ULK4: variants seen among roughly 807,000 people sequenced by gnomAD.
ULK4 encodes inactive serine/threonine-protein kinase ULK4.
ULK4 carries 133 observed loss-of-function variants against 160.6 expected under a neutral mutation model. The observed-to-expected ratio is 0.83, with a 90% CI of 0.72 to 0.96. The LOEUF (loss-of-function observed/expected upper bound fraction) is 0.96. ULK4 is among the 40% of genes least tolerant of loss of function. ULK4 has a pLI of 0.00. For missense variants in ULK4, 1,580 were observed against 1,499.5 expected (o/e 1.05, Z -0.89); for synonymous variants, 534 against 539.8 (o/e 0.99, Z 0.15).
At chr3:41,947,158 T>G (rs953981711) in intron 2 of ULK4, among the ~76,000 whole-genome samples, 1 of 152,038 alleles carries the variant, frequency 6.6e-6, no homozygotes, top group African/African-American at 2.4e-5. Flanking sequence ...AAACCCCGTC[T>G]CTACTAAAAA....
intron 34 of ULK4, among the ~76,000 whole-genome samples, chr3:41,427,013 T>C (rs942210983): frequency 2.6e-5 from 4 of 151,788 alleles, no homozygotes; most frequent in Admixed American, 2.0e-4. Flanking sequence ...GATATACCAA[T>C]AGCTAGACAA....
intron 21 of ULK4, among the ~76,000 whole-genome samples, chr3:41,757,789 G>C (rs188208753): frequency 6.6e-6 from 1 of 151,628 alleles, no homozygotes; most frequent in Non-Finnish European, 1.5e-5. Flanking sequence ...GCGTGCCACC[G>C]GCTAATTTTT....
At chr3:41,707,129 A>G (rs1279903971) in intron 25 of ULK4, among the ~76,000 whole-genome samples, 1 of 152,110 alleles carries the variant, frequency 6.6e-6, no homozygotes, top group Non-Finnish European at 1.5e-5. Context: ...ACACATATAC[A>G]TGTGTCCCTA....
rs537466281 is a variant in ULK4, at chr3:41,925,822, T to C, written c.542-6004A>G. ...ACTGGGTGGAGCCCACTGCAGCATC[T>C]CTGAAAAAAAAAGGCAGCAGCCCCA... On this transcript the variant is annotated intron_variant, in intron 5 of 36. Coordinates refer to ENST00000301831, the MANE Select transcript of ULK4 (RefSeq NM_017886.4). Among the ~76,000 whole-genome samples the C allele has an allele frequency of 9.8e-4, 149 of 151,326 alleles. 1 individual carries two copies. The highest frequency in any genetic ancestry group is 3.4e-3 in the African/African-American group (142 of 41,250).
chr3:41,341,547 GAA>G (rs2125751103), intron 35 of ULK4, among the ~76,000 whole-genome samples: 1 of 152,294 alleles, frequency 6.6e-6, no homozygotes, highest in African/African-American at 2.4e-5. Flanking sequence ...CACTGGCCTT[GAA>G]TAATGGAGCA....
intron 17 of ULK4, among the ~76,000 whole-genome samples, chr3:41,854,497 G>C (rs2042289588): frequency 6.6e-6 from 1 of 152,180 alleles, no homozygotes; most frequent in South Asian, 2.1e-4. Context: ...TGAGTCAAAG[G>C]GCAATGTGGT....
chr3:41,476,242 G>A (rs963596529), intron 32 of ULK4, among the ~76,000 whole-genome samples: 6 of 152,162 alleles, frequency 3.9e-5, no homozygotes, highest in Non-Finnish European at 7.3e-5. Flanking sequence ...TGTTGGTGAA[G>A]CTCTGTAAAC....
intron 32 of ULK4, among the ~76,000 whole-genome samples, chr3:41,506,668 T>C (rs1052468304): frequency 1.3e-5 from 2 of 150,626 alleles, no homozygotes; most frequent in Non-Finnish European, 3.0e-5. Context: ...CCATCAGTCC[T>C]TCACTAATGA....
At chr3:41,692,092 C>T (rs1338967129) in intron 27 of ULK4, among the ~76,000 whole-genome samples, 2 of 151,148 alleles carry the variant, frequency 1.3e-5, no homozygotes, top group Non-Finnish European at 3.0e-5. Flanking sequence ...GCTGGGACTA[C>T]AGGCGCCCAC....
rs149662388 is a variant in ULK4, at chr3:41,623,750, G to C, written c.3072-8033C>G. Among the ~76,000 whole-genome samples the C allele has an allele frequency of 3.9e-3, 594 of 152,290 alleles. 7 individuals carry two copies. Among genetic ancestry groups the C allele is most frequent in the Admixed American group, 0.033 (499 of 15,290 alleles). On this transcript the variant is annotated intron_variant, in intron 30 of 36. Transcript: ENST00000301831. ...TATAAATCAAAGGGTATAAAGTTAAGTTAGACAGGAGAAATAAGTTAGTTA... is the reference window on the plus strand; with the variant it reads ...TATAAATCAAAGGGTATAAAGTTAACTTAGACAGGAGAAATAAGTTAGTTA...
At chr3:41,368,000 G>A (rs911830201) in intron 35 of ULK4, among the ~76,000 whole-genome samples, 4 of 151,612 alleles carry the variant, frequency 2.6e-5, no homozygotes, top group African/African-American at 4.8e-5. Context: ...CTTTTTGCTC[G>A]TGTATATTCC....
At chr3:41,718,565 C>T (rs186901986) in intron 22 of ULK4, among the ~76,000 whole-genome samples, 11 of 152,096 alleles carry the variant, frequency 7.2e-5, no homozygotes, top group Non-Finnish European at 1.2e-4. Flanking sequence ...GCTGGACCTA[C>T]TAGTCATTTT....
intron 21 of ULK4, among the ~76,000 whole-genome samples, chr3:41,771,072 C>A (rs1393423293): frequency 6.6e-6 from 1 of 152,148 alleles, no homozygotes; most frequent in South Asian, 2.1e-4. Flanking sequence ...ATTTGAAACA[C>A]TGAATACTCC....
chr3:41,741,465 A>G (rs896662964), intron 22 of ULK4, among the ~76,000 whole-genome samples: 4 of 151,950 alleles, frequency 2.6e-5, no homozygotes, highest in Non-Finnish European at 5.9e-5. Context: ...TATTTATTGA[A>G]GCATTTCAAT....
chr3:41,669,052 A>G (rs1399386907), intron 29 of ULK4, among the ~76,000 whole-genome samples: 2 of 152,208 alleles, frequency 1.3e-5, no homozygotes, highest in African/African-American at 4.8e-5. Context: ...CAAAATTCAC[A>G]GAGAAGGAAA....
chr3:41,325,132 C>T (rs539035530), intron 35 of ULK4, among the ~76,000 whole-genome samples: 9 of 152,258 alleles, frequency 5.9e-5, no homozygotes, highest in African/African-American at 2.2e-4. Flanking sequence ...ATATGTTTTT[C>T]ATTAAAGTAC....
chr3:41,690,312 G>C (rs1225255626), intron 27 of ULK4, among the ~76,000 whole-genome samples: 11 of 151,236 alleles, frequency 7.3e-5, no homozygotes, highest in African/African-American at 4.9e-5. Context: ...GAGTGGGGAG[G>C]GATAGCTTTA....
chr3:41,870,227 G>T (rs1697040079), intron 17 of ULK4, among the ~76,000 whole-genome samples: 1 of 152,156 alleles, frequency 6.6e-6, no homozygotes, highest in Non-Finnish European at 1.5e-5. Flanking sequence ...GTGATTCTTG[G>T]AATGTGAGCT....
rs1452229607 is a variant in ULK4 at position 41,774,122 on chromosome 3, G to C, written c.2193+15539C>G. Among the ~76,000 whole-genome samples the C allele has an allele frequency of 2.6e-5, 4 of 152,132 alleles. No homozygotes were observed. The East Asian group carries it at 7.7e-4, about 29-fold the overall frequency. ...TAGACCTAAAACCATAAAGAGCCTA[G>C]AAGAAAACCTAGGCATTACCATTCA... On this transcript the variant is annotated intron_variant, in intron 21 of 36. Transcript: ENST00000301831.
Sources: allele counts gnomAD v4.1 joint callset (sites outside exome capture counted in the v4.1 genomes callset), GRCh38; gene constraint gnomAD v4.1.1; transcripts MANE v1.5; gene names NCBI Gene and HGNC (gene_info 2026-07-23, HGNC 2026-07-21).